The following BAIAP2L1 variants were observed in gnomAD, a reference collection of about 807,000 sequenced individuals.
BAIAP2L1 encodes the protein BAR/IMD domain containing adaptor protein 2 like 1.
Under a neutral mutation model 66.3 loss-of-function variants are expected in BAIAP2L1, and 35 were observed. The ratio of observed to expected loss-of-function variants is 0.53; its 90% CI spans 0.40 to 0.70. The LOEUF is 0.70. Among genes scored for constraint, BAIAP2L1 ranks in the 30% least tolerant of loss-of-function variants. BAIAP2L1 has a pLI of 0.00. For missense variants in BAIAP2L1, 622 were observed against 656.9 expected (o/e 0.95, Z 0.58); for synonymous variants, 269 against 248.7 (o/e 1.08, Z -0.77).
intron 1 of BAIAP2L1, chr7:98,385,992 C>A: frequency 6.8e-7 from 1 of 1,469,198 alleles, no homozygotes; most frequent in African/African-American, 1.4e-5. Context: ...ACTGGCAAGC[C>A]TTTTCTATGT....
In BAIAP2L1 at chr7:98,332,016, C is replaced by T. The variant is rs913358140; in HGVS notation, c.215-11718G>A. 2.0e-5 allele frequency among the ~76,000 whole-genome samples: 3 copies of T among 152,086 alleles called. No individual in the cohort carries two copies. The East Asian group carries it at 5.8e-4, about 29-fold the overall frequency. ...GGGGATTGGTTACCAGTAGGTCTGA[C>T]TTGGGAAAAGATGTTAAAAGAAGTT... On this transcript the variant is annotated intron_variant, in intron 3 of 13. Coordinates refer to ENST00000005260, the MANE Select transcript of BAIAP2L1 (RefSeq NM_018842.5).
At chr7:98,368,916 AGCT>A (rs1019716351) in intron 1 of BAIAP2L1, among the ~76,000 whole-genome samples, 7 of 151,908 alleles carry the variant, frequency 4.6e-5, no homozygotes, top group African/African-American at 1.7e-4. Flanking sequence ...TTCCAAGCAA[AGCT>A]GCTATGAGCG....
At chr7:98,348,374 C>T (rs1207038879) in intron 3 of BAIAP2L1, among the ~76,000 whole-genome samples, 1 of 151,962 alleles carries the variant, frequency 6.6e-6, no homozygotes, top group Non-Finnish European at 1.5e-5. Context: ...CAAGACCAGC[C>T]TGGGCAACAT....
chr7:98,338,421 TAAAA>T (rs35420774), intron 3 of BAIAP2L1, among the ~76,000 whole-genome samples: 3 of 131,438 alleles, frequency 2.3e-5, no homozygotes, highest in African/African-American at 2.9e-5. Flanking sequence ...GACTCCGTCT[TAAAA>T]AAAAAAAAAA....
intron 7 of BAIAP2L1, among the ~76,000 whole-genome samples, chr7:98,312,694 C>T (rs897987932): frequency 1.1e-4 from 17 of 152,142 alleles, no homozygotes; most frequent in African/African-American, 3.6e-4. Context: ...TGACTCTGAC[C>T]GATTCAGACA....
At chr7:98,313,482 G>A (rs952602338) in intron 7 of BAIAP2L1, among the ~76,000 whole-genome samples, 7 of 152,066 alleles carry the variant, frequency 4.6e-5, no homozygotes, top group Non-Finnish European at 7.4e-5. Flanking sequence ...TCCAGCCTGC[G>A]ACCCTGGTGC....
Position 98,302,163 on chromosome 7 carries a change from ATACT to A in BAIAP2L1, c.1422+2029_1422+2032del, listed in dbSNP as rs1800456093. Reference sequence around the variant, plus strand: ...GAATCTGTCATTACTGAGTACACTGATACTTACAACCAGGCTTCTTCCATTTATC... The same window carrying A: ...GAATCTGTCATTACTGAGTACACTGATACAACCAGGCTTCTTCCATTTATC... On this transcript the variant is annotated intron_variant, in intron 12 of 13. Coordinates refer to ENST00000005260, the MANE Select transcript of BAIAP2L1 (RefSeq NM_018842.5). 2.0e-5 allele frequency among the ~76,000 whole-genome samples: 3 copies of A among 152,248 alleles called. No individual in the cohort carries two copies. In the South Asian group the frequency reaches 6.2e-4, roughly 31 times the overall value.
At chr7:98,308,906 T>C (rs1346241136) in intron 9 of BAIAP2L1, 7 of 152,278 alleles carry the variant, frequency 4.6e-5, no homozygotes, top group African/African-American at 1.7e-4. Context: ...CTTGACCTCC[T>C]GGCCTCAAGT....
chr7:98,313,284 G>A (rs1423558234), intron 7 of BAIAP2L1, among the ~76,000 whole-genome samples: 7 of 152,044 alleles, frequency 4.6e-5, no homozygotes, highest in Non-Finnish European at 7.4e-5. Context: ...TCAGATACTC[G>A]AAGAAACTTC....
At chr7:98,318,325 T>C (rs578208014) in intron 5 of BAIAP2L1, among the ~76,000 whole-genome samples, 86 of 152,232 alleles carry the variant, frequency 5.6e-4, no homozygotes, top group Non-Finnish European at 1.0e-3. Context: ...CCAAAGCACT[T>C]AGCCACCAAG....
intron 9 of BAIAP2L1, chr7:98,308,253 G>C: frequency 2.1e-6 from 1 of 484,196 alleles, no homozygotes; most frequent in South Asian, 1.5e-5. Context: ...AACTGCCCTC[G>C]CAATTCCAAT....
At chr7:98,321,871 G>A (rs1188197824) in intron 3 of BAIAP2L1, among the ~76,000 whole-genome samples, 1 of 152,184 alleles carries the variant, frequency 6.6e-6, no homozygotes, top group African/African-American at 2.4e-5. Context: ...GCTGAGGTGG[G>A]AGTATCACGA....
chr7:98,396,707 G>A (rs984064939), intron 1 of BAIAP2L1, among the ~76,000 whole-genome samples: 5 of 152,172 alleles, frequency 3.3e-5, no homozygotes, highest in African/African-American at 7.2e-5. Context: ...AGAATTGCTC[G>A]AAAGTGGGAG....
rs187088898 is a variant in BAIAP2L1, at chr7:98,391,089, G to A, written c.51+9713C>T. 3.6e-3 allele frequency among the ~76,000 whole-genome samples: 535 copies of A among 150,682 alleles called. 2 individuals carry two copies. Among genetic ancestry groups the A allele is most frequent in the Middle Eastern group, 6.8e-3 (2 of 292 alleles). ...GATCTCTTGACCTCATGATCTGCCCGCCTCGGCCTCCCAAAGTGCTGGGAT... is the reference window on the plus strand; with the variant it reads ...GATCTCTTGACCTCATGATCTGCCCACCTCGGCCTCCCAAAGTGCTGGGAT... On this transcript the variant is annotated intron_variant, in intron 1 of 13. Transcript: ENST00000005260.
chr7:98,357,565 C>CAA (rs10648487), intron 2 of BAIAP2L1, among the ~76,000 whole-genome samples: 1,916 of 104,144 alleles, frequency 0.018, 78 homozygotes, highest in African/African-American at 0.058. Context: ...GACTCAGTCT[C>CAA]AAAAAAAAAA....
chr7:98,365,168 T>TG (rs900016569), intron 1 of BAIAP2L1, among the ~76,000 whole-genome samples: 3 of 151,970 alleles, frequency 2.0e-5, no homozygotes, highest in Non-Finnish European at 1.5e-5. Flanking sequence ...CCAGCATTTT[T>TG]TTTGTTTGTT....
At position 98,354,089 on chromosome 7, in the gene BAIAP2L1, G is replaced by C. The variant is rs577899919; in HGVS notation, c.214+953C>G. 2.0e-5 allele frequency among the ~76,000 whole-genome samples: 3 copies of C among 151,938 alleles called. No homozygotes were observed. The South Asian group carries it at 6.3e-4, about 32-fold the overall frequency. On this transcript the variant is annotated intron_variant, in intron 3 of 13. Transcript: ENST00000005260. ...CATCACTTCCAGCATATGGTCTACC[G>C]TGTGCCTATGGCTTTATACGGAGAC... is the stretch of plus-strand genomic sequence containing the variant.
chr7:98,393,168 T>TACACAC (rs1803107991), intron 1 of BAIAP2L1, among the ~76,000 whole-genome samples: 1 of 42,276 alleles, frequency 2.4e-5, no homozygotes, highest in African/African-American at 5.9e-5. Flanking sequence ...CACATATATG[T>TACACAC]ATATATATAC....
chr7:98,336,814 AAAGGCCT>A (rs1254989856), intron 3 of BAIAP2L1, among the ~76,000 whole-genome samples: 3 of 152,178 alleles, frequency 2.0e-5, no homozygotes, highest in Admixed American at 2.0e-4. Flanking sequence ...GAGAGACTGG[AAAGGCCT>A]AAGGTTGAGT....
Sources: allele counts gnomAD v4.1 joint callset (sites outside exome capture counted in the v4.1 genomes callset), GRCh38; gene constraint gnomAD v4.1.1; transcripts MANE v1.5; gene names NCBI Gene and HGNC (gene_info 2026-07-23, HGNC 2026-07-21).